CADPS2: variants seen among roughly 807,000 people sequenced by gnomAD.
CADPS2 encodes calcium-dependent secretion activator 2.
In CADPS2, 93 loss-of-function variants were observed where a neutral mutation model predicts 172.5. The observed-to-expected ratio is 0.54, with a 90% CI of 0.46 to 0.64. The LOEUF (loss-of-function observed/expected upper bound fraction) is 0.64, where lower values mean the gene tolerates loss of function less well. Ranked by LOEUF, CADPS2 falls within the 30% of genes least tolerant of loss-of-function variation. The pLI is 0.00. For synonymous variants in CADPS2, 546 were observed against 555.2 expected (o/e 0.98, Z 0.23); for missense variants, 1,420 against 1,565.9 (o/e 0.91, Z 1.57).
At chr7:122,859,958 G>A (rs1211284053) in intron 1 of CADPS2, among the ~76,000 whole-genome samples, 3 of 152,052 alleles carry the variant, frequency 2.0e-5, no homozygotes, top group Admixed American at 1.3e-4. Flanking sequence ...TATATCTCCA[G>A]TAAAGTTGAA....
At chr7:122,385,347 A>C (rs1331602281) in intron 24 of CADPS2, among the ~76,000 whole-genome samples, 3 of 152,036 alleles carry the variant, frequency 2.0e-5, no homozygotes, top group African/African-American at 7.3e-5. Flanking sequence ...TTCATGCATA[A>C]ATATAAATTA....
At chr7:122,393,662 T>C (rs1397614559) in intron 20 of CADPS2, 80 bp from the exon 21 acceptor site, 2 of 1,456,910 alleles carry the variant, frequency 1.4e-6, no homozygotes, top group African/African-American at 1.4e-5. Context: ...AAAAACACGT[T>C]TTCTGAGAGA....
intron 6 of CADPS2, among the ~76,000 whole-genome samples, chr7:122,592,871 G>A (rs190526431): frequency 0.015 from 2,292 of 151,868 alleles, 25 homozygotes; most frequent in Non-Finnish European, 0.021. Flanking sequence ...ATAGCATTAG[G>A]AGATATACCT....
chr7:122,619,008 C>T (rs969758193), intron 5 of CADPS2, among the ~76,000 whole-genome samples: 1 of 152,206 alleles, frequency 6.6e-6, no homozygotes, highest in South Asian at 2.1e-4. Context: ...CTTCTCAGAC[C>T]ATGCAAAGTG....
chr7:122,879,546 A>T (rs1822301209), intron 1 of CADPS2, among the ~76,000 whole-genome samples: 1 of 152,042 alleles, frequency 6.6e-6, no homozygotes, highest in South Asian at 2.1e-4. Flanking sequence ...AAAATAAAAA[A>T]TAAAAATAAA....
intron 2 of CADPS2, among the ~76,000 whole-genome samples, chr7:122,729,193 G>T (rs974761109): frequency 1.3e-5 from 2 of 151,744 alleles, no homozygotes; most frequent in Admixed American, 1.3e-4. Context: ...CAGATGATAG[G>T]ATTTCATTCT....
At position 122,656,148 on chromosome 7, in the gene CADPS2, G is replaced by A. The variant is rs1001630720; in HGVS notation, c.786+7089C>T. Among the ~76,000 whole-genome samples, 6 of 152,248 alleles carry A rather than the reference G, an allele frequency of 3.9e-5. No individual in the cohort carries two copies. The South Asian group carries it at 8.3e-4, about 21-fold the overall frequency. On this transcript the variant is annotated intron_variant, in intron 3 of 29. Coordinates refer to ENST00000449022, the MANE Select transcript of CADPS2 (RefSeq NM_017954.11). The stretch of plus-strand genomic sequence containing the variant: ...AATTACTATAAGCTGGGTGCAGAGA[G>A]TAAGAAATTCCTGGAGCCACAATCA...
At chr7:122,785,993 T>C (rs1793954277) in intron 1 of CADPS2, among the ~76,000 whole-genome samples, 1 of 152,218 alleles carries the variant, frequency 6.6e-6, no homozygotes, top group Non-Finnish European at 1.5e-5. Context: ...AAATTATAAC[T>C]TCTAGTAGTC....
At chr7:122,418,512 A>G (rs2048194875) in intron 17 of CADPS2, among the ~76,000 whole-genome samples, 1 of 152,334 alleles carries the variant, frequency 6.6e-6, no homozygotes, top group Admixed American at 6.5e-5. Context: ...CCTCAGAATA[A>G]ATTAATTTTA....
At chr7:122,469,852 C>T (rs764806876) in intron 14 of CADPS2, among the ~76,000 whole-genome samples, 19 of 151,798 alleles carry the variant, frequency 1.3e-4, no homozygotes, top group Non-Finnish European at 2.5e-4. Flanking sequence ...CACGTACACA[C>T]ATCTAGCACA....
Position 122,571,293 on chromosome 7 carries a change from A to T in CADPS2, c.1335+9886T>A, listed in dbSNP as rs140166569. ...CCAATTAAAACCATAATGAAATAAC[A>T]ATATATACCTATTAGAAGGCATTAG... On this transcript the variant is annotated intron_variant, in intron 7 of 29. Transcript: ENST00000449022. Among the ~76,000 whole-genome samples the T allele has an allele frequency of 5.6e-3, 860 of 152,274 alleles. 2 individuals carry two copies. Among genetic ancestry groups the T allele is most frequent in the Middle Eastern group, 0.01 (3 of 294 alleles).
intron 1 of CADPS2, among the ~76,000 whole-genome samples, chr7:122,760,890 C>G (rs2093357768): frequency 6.6e-6 from 1 of 151,744 alleles, no homozygotes; most frequent in South Asian, 2.1e-4. Context: ...TGCAGCACAC[C>G]AACATGGCAC....
intron 20 of CADPS2, among the ~76,000 whole-genome samples, chr7:122,404,690 TG>T (rs1478840084): frequency 1.3e-5 from 2 of 152,196 alleles, no homozygotes; most frequent in African/African-American, 4.8e-5. Flanking sequence ...CTATTCTAAC[TG>T]GTGTGAGATG....
rs772448275 is a variant in CADPS2, at chr7:122,736,985, T to C, written c.423A>G (p.Ala141=). 2 of 1,611,746 alleles carry C rather than the reference T, an allele frequency of 1.2e-6. No homozygotes were observed. Among genetic ancestry groups the C allele is most frequent in the Middle Eastern group, 3.3e-4 (2 of 6,056 alleles). ...NGETQIVADE[A]FCNAVRSYYE... The stretch of plus-strand genomic sequence containing the variant: ...AATAACTCCGAACTGCGTTGCAAAA[T>C]GCTTCGTCAGCTACAATTTGGGTTT... The change falls in exon 2 of 30, where the codon GCA becomes GCG. Residue 141 remains alanine (A), a synonymous_variant. Transcript: ENST00000449022.
intron 20 of CADPS2, 77 bp from the exon 21 acceptor site, chr7:122,393,659 C>G: frequency 3.3e-6 from 5 of 1,500,786 alleles, no homozygotes; most frequent in South Asian, 1.2e-5. Flanking sequence ...CAAAAAAACA[C>G]GTTTTCTGAG....
chr7:122,498,394 T>A (rs181847212), intron 9 of CADPS2, among the ~76,000 whole-genome samples: 1 of 152,362 alleles, frequency 6.6e-6, no homozygotes, highest in East Asian at 1.9e-4. Context: ...TATATCAATT[T>A]AAAAATCTTC....
At chr7:122,630,000 CT>C (rs1168793692) in intron 3 of CADPS2, among the ~76,000 whole-genome samples, 1 of 152,104 alleles carries the variant, frequency 6.6e-6, no homozygotes, top group Non-Finnish European at 1.5e-5. Flanking sequence ...TAATCCTTAA[CT>C]TTTTCTATAA....
intron 14 of CADPS2, among the ~76,000 whole-genome samples, chr7:122,463,150 AT>A (rs35813925): frequency 0.053 from 8,004 of 151,464 alleles, 278 homozygotes; most frequent in Non-Finnish European, 0.055. Context: ...GAATACATAT[AT>A]TTTTTTTTAA....
At chr7:122,494,460 T>G (rs1018849715) in intron 9 of CADPS2, among the ~76,000 whole-genome samples, 6 of 152,002 alleles carry the variant, frequency 3.9e-5, no homozygotes, top group African/African-American at 1.4e-4. Context: ...TTTCTTAACA[T>G]GGGAACCTAA....
Sources: allele counts gnomAD v4.1 joint callset (sites outside exome capture counted in the v4.1 genomes callset), GRCh38; gene constraint gnomAD v4.1.1; transcripts MANE v1.5; gene names NCBI Gene and HGNC (gene_info 2026-07-23, HGNC 2026-07-21).